TENM3: variants seen among roughly 807,000 people sequenced by gnomAD.
The protein encoded by TENM3 is teneurin-3.
Under a neutral mutation model 255.1 loss-of-function variants are expected in TENM3, and 63 were observed. The ratio of observed to expected loss-of-function variants is 0.25; its 90% CI spans 0.20 to 0.30. The LOEUF is 0.30. Among genes scored for constraint, TENM3 ranks in the 10% least tolerant of loss-of-function variants. TENM3 has a pLI of 1.00. For synonymous variants in TENM3, 1,306 were observed against 1,322.3 expected (o/e 0.99, Z 0.27); for missense variants, 2,929 against 3,461.1 (o/e 0.85, Z 3.86).
chr4:182,263,977 C>T (rs1759059513), intron 1 of TENM3, among the ~76,000 whole-genome samples: 2 of 152,218 alleles, frequency 1.3e-5, no homozygotes, highest in African/African-American at 2.4e-5. Flanking sequence ...GCCCCCAGGG[C>T]GATGGTGCCG....
In TENM3 at chr4:182,730,213, A is replaced by C; in HGVS notation, c.2599A>C (p.Ile867Leu). Residue 867 changes from isoleucine to leucine, a missense_variant, in exon 15 of 28, where the codon ATC becomes CTC. Coordinates refer to ENST00000511685, the MANE Select transcript of TENM3 (RefSeq NM_001080477.4). ...CTTTTCCAACAGCCTTGCATCTGTCATCAGAGGCCAAGTACTGACTGCTGA... is the reference window on the plus strand; with the variant it reads ...CTTTTCCAACAGCCTTGCATCTGTCCTCAGAGGCCAAGTACTGACTGCTGA... Reference protein sequence around the residue: ...SPFNKSLASVIRGQVLTADGT... With the variant: ...SPFNKSLASVLRGQVLTADGT... 1.2e-6 allele frequency: 2 copies of C among 1,613,852 alleles called. No individual in the cohort carries two copies. Among genetic ancestry groups the C allele is most frequent in the African/African-American group, 1.3e-5 (1 of 75,056 alleles).
the TENM3 span, among the ~76,000 whole-genome samples, chr4:181,802,212 G>A: frequency 6.6e-6 from 1 of 152,178 alleles, no homozygotes; most frequent in Admixed American, 6.5e-5. Flanking sequence ...CAGCTATAAT[G>A]GGTACTATTA....
Position 182,743,436 on chromosome 4 carries a change from T to G in TENM3, c.3629+17T>G, listed in dbSNP as rs186389140. ...AGAACTAAGGTACGTCTTTCCTAAATTTGGGCTTTTAACCAAAGCTAAACG... is the reference window on the plus strand; with the variant it reads ...AGAACTAAGGTACGTCTTTCCTAAAGTTGGGCTTTTAACCAAAGCTAAACG... On this transcript the variant is annotated intron_variant, in intron 19 of 27. Transcript: ENST00000511685. 5.6e-3 allele frequency: 8,962 copies of G among 1,609,108 alleles called. 34 individuals are homozygous for G. Among genetic ancestry groups the G allele is most frequent in the Middle Eastern group, 9.1e-3 (55 of 6,034 alleles).
chr4:181,767,022 G>A, the TENM3 span, among the ~76,000 whole-genome samples: 10 of 147,986 alleles, frequency 6.8e-5, no homozygotes, highest in South Asian at 4.3e-4. Flanking sequence ...GGAGGCCGAG[G>A]CGGGCGGATC....
chr4:181,460,419 A>G, the TENM3 span, among the ~76,000 whole-genome samples: 290 of 151,994 alleles, frequency 1.9e-3, no homozygotes, highest in Admixed American at 3.0e-3. Flanking sequence ...GCCAGCACAT[A>G]GTGGAGTGTT....
chr4:182,486,813 T>C (rs1204779456), intron 3 of TENM3, among the ~76,000 whole-genome samples: 9 of 152,168 alleles, frequency 5.9e-5, no homozygotes, highest in Admixed American at 5.9e-4. Context: ...ACCCTCAATA[T>C]ACACTGCCTT....
At chr4:181,734,865 G>C in the TENM3 span, among the ~76,000 whole-genome samples, 1 of 152,030 alleles carries the variant, frequency 6.6e-6, no homozygotes, top group Non-Finnish European at 1.5e-5. Context: ...CAAAGAAATG[G>C]CTTGATAGAA....
the TENM3 span, among the ~76,000 whole-genome samples, chr4:181,818,941 C>T: frequency 6.6e-6 from 1 of 152,174 alleles, no homozygotes; most frequent in Non-Finnish European, 1.5e-5. Context: ...TGGCTTGTTT[C>T]TCTGGTTGAA....
intron 3 of TENM3, among the ~76,000 whole-genome samples, chr4:182,544,323 AT>A (rs35639483): frequency 0.013 from 910 of 69,306 alleles, 7 homozygotes; most frequent in African/African-American, 0.038. Context: ...AGCATTGTGG[AT>A]TTTTTTTTTT....
At chr4:182,295,435 T>C (rs1761423706) in intron 1 of TENM3, among the ~76,000 whole-genome samples, 1 of 151,912 alleles carries the variant, frequency 6.6e-6, no homozygotes, top group Non-Finnish European at 1.5e-5. Flanking sequence ...GCCCAGCTAA[T>C]TTTTTAAATT....
the TENM3 span, among the ~76,000 whole-genome samples, chr4:181,953,696 A>G: frequency 6.6e-6 from 1 of 152,248 alleles, no homozygotes; most frequent in South Asian, 2.1e-4. Context: ...GAAAAAAAGA[A>G]AGAAAGAAAA....
At chr4:182,275,147 G>A (rs761059452) in intron 1 of TENM3, among the ~76,000 whole-genome samples, 2 of 152,090 alleles carry the variant, frequency 1.3e-5, no homozygotes, top group African/African-American at 4.8e-5. Context: ...TAATTGGAGT[G>A]TTGATTAGTT....
intron 1 of TENM3, among the ~76,000 whole-genome samples, chr4:182,317,107 G>C (rs1762793539): frequency 6.6e-6 from 1 of 152,128 alleles, no homozygotes; most frequent in Non-Finnish European, 1.5e-5. Flanking sequence ...GCAAAAGGTG[G>C]CTTCTTATTT....
At chr4:181,968,268 G>C in the TENM3 span, among the ~76,000 whole-genome samples, 4 of 152,110 alleles carry the variant, frequency 2.6e-5, no homozygotes, top group African/African-American at 9.7e-5. Context: ...CTTCCTTCTT[G>C]GCTTGTGAAT....
chr4:182,664,640 A>G (rs1037979532), intron 6 of TENM3, among the ~76,000 whole-genome samples: 4 of 152,210 alleles, frequency 2.6e-5, no homozygotes, highest in Non-Finnish European at 1.5e-5. Flanking sequence ...CCAGGTTGTG[A>G]GTGCAAAGGA....
At chr4:182,426,385 A>G (rs1380773485) in intron 3 of TENM3, among the ~76,000 whole-genome samples, 1 of 152,184 alleles carries the variant, frequency 6.6e-6, no homozygotes, top group Non-Finnish European at 1.5e-5. Context: ...CTAAAATCAA[A>G]GAAACAACCT....
intron 18 of TENM3, among the ~76,000 whole-genome samples, chr4:182,742,039 A>G (rs1341085589): frequency 6.6e-6 from 1 of 152,220 alleles, no homozygotes; most frequent in East Asian, 1.9e-4. Flanking sequence ...AACATAGAAC[A>G]TTCAATAAAT....
the TENM3 span, among the ~76,000 whole-genome samples, chr4:181,524,698 A>C: frequency 6.6e-6 from 1 of 152,154 alleles, no homozygotes; most frequent in Non-Finnish European, 1.5e-5. Flanking sequence ...ATAAATAATG[A>C]AACAGAACAG....
Position 182,584,666 on chromosome 4 carries a change from GTAT to G in TENM3, c.512-16253_512-16251del, listed in dbSNP as rs570384099. On this transcript the variant is annotated intron_variant, in intron 3 of 27. Coordinates refer to ENST00000511685, the MANE Select transcript of TENM3 (RefSeq NM_001080477.4). ...CCTTTTTTTCTTTTTTTGAGACGGA[GTAT>G]TATTCTGTCGCCCAGGCTGGAGTGC... 1.2e-3 allele frequency among the ~76,000 whole-genome samples: 176 copies of G among 152,136 alleles called. 2 individuals carry two copies. The highest frequency in any genetic ancestry group is 4.0e-3 in the African/African-American group (168 of 41,506).
Sources: allele counts gnomAD v4.1 joint callset (sites outside exome capture counted in the v4.1 genomes callset), GRCh38; gene constraint gnomAD v4.1.1; transcripts MANE v1.5; gene names NCBI Gene and HGNC (gene_info 2026-07-23, HGNC 2026-07-21).